The following GRIA1 variants were observed in gnomAD, a reference collection of about 807,000 sequenced individuals.
GRIA1 encodes the protein glutamate ionotropic receptor AMPA type subunit 1, also known as glutamate receptor 1.
In GRIA1, 31 loss-of-function variants were observed where a neutral mutation model predicts 99.2. The observed-to-expected ratio is 0.31, with a 90% CI of 0.23 to 0.42. GRIA1 has a LOEUF of 0.42. Ranked by LOEUF, GRIA1 falls within the 10% of genes least tolerant of loss-of-function variation. The pLI, the probability that GRIA1 is intolerant of heterozygous loss-of-function variation, is 1.00. For synonymous variants in GRIA1, 438 were observed against 432.4 expected (o/e 1.01, Z -0.16); for missense variants, 782 against 1,157.5 (o/e 0.68, Z 4.71).
chr5:153,602,460 G>A (rs1242434571), intron 2 of GRIA1, among the ~76,000 whole-genome samples: 1 of 151,604 alleles, frequency 6.6e-6, no homozygotes, highest in Non-Finnish European at 1.5e-5. Context: ...CAGCACACCA[G>A]CATGGCACAT....
At chr5:153,755,739 A>C (rs906749170) in intron 11 of GRIA1, 2 of 152,202 alleles carry the variant, frequency 1.3e-5, no homozygotes, top group African/African-American at 4.8e-5. Context: ...ATATCCCCCT[A>C]ACAACAATAA....
chr5:153,750,916 A>T (rs1371456698), intron 11 of GRIA1, among the ~76,000 whole-genome samples: 1 of 151,952 alleles, frequency 6.6e-6, no homozygotes, highest in African/African-American at 2.4e-5. Context: ...GCCAAAGATG[A>T]TGAAACCCCG....
At chr5:153,698,266 A>G (rs1388311383) in intron 9 of GRIA1, 112 bp downstream of exon 9, 5 of 558,478 alleles carry the variant, frequency 9.0e-6, no homozygotes, top group Non-Finnish European at 9.7e-6. Flanking sequence ...TGTGTAATAG[A>G]TAAAAGCAGC....
chr5:153,747,358 C>G (rs1414915772), intron 11 of GRIA1, among the ~76,000 whole-genome samples: 1 of 152,130 alleles, frequency 6.6e-6, no homozygotes, highest in Non-Finnish European at 1.5e-5. Context: ...GGGAGGGCAC[C>G]AAGTCATTCA....
At chr5:153,739,823 A>G (rs950284968) in intron 11 of GRIA1, among the ~76,000 whole-genome samples, 4 of 152,220 alleles carry the variant, frequency 2.6e-5, no homozygotes, top group African/African-American at 9.6e-5. Flanking sequence ...TTCTTTTTTA[A>G]TCTGCCATAG....
At chr5:153,714,571 T>G (rs1759535651) in intron 11 of GRIA1, among the ~76,000 whole-genome samples, 1 of 152,220 alleles carries the variant, frequency 6.6e-6, no homozygotes, top group African/African-American at 2.4e-5. Flanking sequence ...AGACGACCTC[T>G]TGTTTTTCTT....
chr5:153,546,325 T>C (rs1759613770), intron 2 of GRIA1, among the ~76,000 whole-genome samples: 2 of 152,242 alleles, frequency 1.3e-5, no homozygotes, highest in South Asian at 2.1e-4. Flanking sequence ...AGCTCTGTTA[T>C]GGCTAGTTGT....
chr5:153,690,313 G>T (rs76512915), intron 8 of GRIA1, among the ~76,000 whole-genome samples: 2,899 of 151,956 alleles, frequency 0.019, 85 homozygotes, highest in South Asian at 0.059. Context: ...AAGAAACACT[G>T]ACAGGGTGGC....
chr5:153,660,100 G>A (rs1276497043), intron 5 of GRIA1, among the ~76,000 whole-genome samples: 1 of 152,152 alleles, frequency 6.6e-6, no homozygotes, highest in African/African-American at 2.4e-5. Flanking sequence ...GAGCTGCAGA[G>A]GAGAAAGACA....
intron 2 of GRIA1, among the ~76,000 whole-genome samples, chr5:153,567,085 T>G (rs139708320): frequency 1.2e-3 from 185 of 152,292 alleles, no homozygotes; most frequent in Middle Eastern, 6.8e-3. Flanking sequence ...CAGCACAGTT[T>G]TAGATCTTTT....
At chr5:153,541,942 A>T (rs1367613471) in intron 2 of GRIA1, among the ~76,000 whole-genome samples, 2 of 150,498 alleles carry the variant, frequency 1.3e-5, no homozygotes, top group African/African-American at 4.9e-5. Context: ...AAAAAAAAAA[A>T]AAAAAAAAAA....
intron 2 of GRIA1, among the ~76,000 whole-genome samples, chr5:153,528,257 T>A (rs370928490): frequency 6.6e-6 from 1 of 152,226 alleles, no homozygotes; most frequent in African/African-American, 2.4e-5. Context: ...ATTTTCTTTT[T>A]ATTATTTTTT....
upstream of GRIA1, chr5:153,490,598 G>A (rs1040223697): frequency 2.3e-5 from 11 of 480,752 alleles, no homozygotes; most frequent in African/African-American, 3.9e-5. Context: ...GGCAGGCTGC[G>A]AGGGGAGAGG....
intron 2 of GRIA1, among the ~76,000 whole-genome samples, chr5:153,603,731 C>G (rs1765208466): frequency 6.6e-6 from 1 of 152,172 alleles, no homozygotes; most frequent in African/African-American, 2.4e-5. Flanking sequence ...AAAGGACAGG[C>G]TGAGTGAACA....
Position 153,726,791 on chromosome 5 carries a change from G to A in GRIA1, c.1823+20724G>A, listed in dbSNP as rs1167659999. On this transcript the variant is annotated intron_variant, in intron 11 of 15. Transcript: ENST00000285900. ...TCCAGGACCAGATGGATTCACAGCC[G>A]AATTCTACCAGAGGTACAAGGAGGA... Among the ~76,000 whole-genome samples the A allele has an allele frequency of 1.9e-4, 29 of 152,240 alleles. 1 individual carries two copies. The highest frequency in any genetic ancestry group is 7.0e-4 in the African/African-American group (29 of 41,532).
At position 153,770,349 on chromosome 5, in the gene GRIA1, T is replaced by C; in HGVS notation, c.2204T>C (p.Met735Thr). Residue 735 changes from methionine (M) to threonine (T), a missense_variant, in exon 13 of 16, where the codon ATG becomes ACG. Around this residue, in one of 5 missense-constraint regions of GRIA1, gnomAD observed 119 missense variants for 326.6 expected, o/e 0.36. Coordinates refer to ENST00000285900, the MANE Select transcript of GRIA1 (RefSeq NM_000827.4). ...YIEQRKPCDT[M>T]KVGGNLDSKG... ...GAGCAGCGGAAACCCTGTGACACCA[T>C]GAAGGTGGGAGGTAACTTGGATTCC... 1.9e-6 allele frequency: 3 copies of C among 1,613,900 alleles called. No individual in the cohort carries two copies. The highest frequency in any genetic ancestry group is 2.5e-6 in the Non-Finnish European group (3 of 1,179,870).
chr5:153,624,970 C>A (rs904381304), intron 2 of GRIA1, among the ~76,000 whole-genome samples: 1 of 152,178 alleles, frequency 6.6e-6, no homozygotes, highest in South Asian at 2.1e-4. Flanking sequence ...AGTAACGTCT[C>A]CTGTGCAGAG....
At chr5:153,776,775 A>G (rs1314092099) in intron 13 of GRIA1, among the ~76,000 whole-genome samples, 3 of 152,228 alleles carry the variant, frequency 2.0e-5, no homozygotes, top group Non-Finnish European at 4.4e-5. Context: ...GGGAAGAGGT[A>G]TCACCAAGGT....
intron 2 of GRIA1, among the ~76,000 whole-genome samples, chr5:153,527,683 G>A (rs1157193749): frequency 3.3e-5 from 5 of 152,216 alleles, no homozygotes; most frequent in South Asian, 4.2e-4. Flanking sequence ...CTACTGCACT[G>A]GACATCAGAA....
Sources: allele counts gnomAD v4.1 joint callset (sites outside exome capture counted in the v4.1 genomes callset), GRCh38; gene constraint gnomAD v4.1.1; regional missense constraint gnomAD v4.1.1; transcripts MANE v1.5; gene names NCBI Gene and HGNC (gene_info 2026-07-23, HGNC 2026-07-21).